PTPRG: variants seen among roughly 807,000 people sequenced by gnomAD.
PTPRG encodes protein tyrosine phosphatase receptor type G, also known as receptor-type tyrosine-protein phosphatase gamma.
A neutral mutation model predicts 165.3 loss-of-function variants in PTPRG; 102 were observed. The ratio of observed to expected loss-of-function variants is 0.62; its 90% CI spans 0.53 to 0.73. The LOEUF (loss-of-function observed/expected upper bound fraction) is 0.73, where lower values mean the gene tolerates loss of function less well. PTPRG is among the 30% of genes least tolerant of loss of function. The probability of loss-of-function intolerance (pLI) is 0.00; values close to 1 mark genes in which losing one functional copy is unlikely to be tolerated. For missense variants in PTPRG, 1,866 were observed against 1,861.4 expected, an observed-to-expected ratio of 1.00 and a Z score of -0.05; for synonymous variants, 675 against 669.5, an observed-to-expected ratio of 1.01 and a Z score of -0.13.
chr3:61,984,889 A>G lies in PTPRG; in HGVS notation c.191-4736A>G, dbSNP rs549185207. ...TGTCAATTATATAGAATGTTTGTCA[A>G]TTATATAGAATGTTCCCCAATTTGG... On this transcript the variant is annotated intron_variant, in intron 2 of 29. Transcript: ENST00000474889. Among the ~76,000 whole-genome samples the G allele has an allele frequency of 5.3e-5, 8 of 152,198 alleles. No individual in the cohort carries two copies. The East Asian group carries it at 5.8e-4, about 11-fold the overall frequency.
chr3:61,781,735 C>A (rs2034549757), intron 2 of PTPRG, among the ~76,000 whole-genome samples: 1 of 151,908 alleles, frequency 6.6e-6, no homozygotes, highest in African/African-American at 2.4e-5. Context: ...TTATTAATTT[C>A]TCTTTTTTTT....
intron 2 of PTPRG, among the ~76,000 whole-genome samples, chr3:61,960,040 T>C (rs1219174441): frequency 3.3e-5 from 5 of 152,322 alleles, no homozygotes; most frequent in Admixed American, 3.3e-4. Flanking sequence ...TCAGCTTACG[T>C]GCCACCTTCT....
chr3:62,265,894 T>TACACACACACACACACACAC (rs1250968284), intron 17 of PTPRG, among the ~76,000 whole-genome samples: 108 of 26,522 alleles, frequency 4.1e-3, no homozygotes, highest in South Asian at 0.023. Context: ...CTGTGCCTTA[T>TACACACACACACACACACAC]ATACACACAC....
chr3:62,284,558 T>A (rs959009134), intron 28 of PTPRG, among the ~76,000 whole-genome samples: 2 of 152,090 alleles, frequency 1.3e-5, no homozygotes, highest in Admixed American at 6.6e-5. Flanking sequence ...AACTTTAAAA[T>A]TTTTGAACAG....
intron 13 of PTPRG, among the ~76,000 whole-genome samples, chr3:62,230,256 T>A (rs1204919474): frequency 2.0e-5 from 3 of 152,196 alleles, no homozygotes; most frequent in Non-Finnish European, 4.4e-5. Flanking sequence ...GAAGAAAACC[T>A]AACACTCCAG....
rs116428672 is a variant in PTPRG, at chr3:62,001,790, A to G, written c.371-1559A>G. Among the ~76,000 whole-genome samples the G allele has an allele frequency of 4.7e-3, 723 of 152,322 alleles. 5 individuals carry two copies. The highest frequency in any genetic ancestry group is 0.016 in the African/African-American group (658 of 41,562). Reference sequence around the variant, plus strand: ...TATCAGTGTGGTTAAATAAAGGTTTATTGGATCATAGCCTCACCCATTCAT... The same window carrying G: ...TATCAGTGTGGTTAAATAAAGGTTTGTTGGATCATAGCCTCACCCATTCAT... On this transcript the variant is annotated intron_variant, in intron 3 of 29. Coordinates refer to ENST00000474889, the MANE Select transcript of PTPRG (RefSeq NM_002841.4).
chr3:61,676,279 A>T (rs1427683246), intron 1 of PTPRG, among the ~76,000 whole-genome samples: 1 of 151,428 alleles, frequency 6.6e-6, no homozygotes, highest in African/African-American at 2.4e-5. Context: ...AACACGGTGA[A>T]ACCCCGTCTC....
chr3:62,087,793 T>C (rs1181773173), intron 5 of PTPRG, among the ~76,000 whole-genome samples: 1 of 152,224 alleles, frequency 6.6e-6, no homozygotes, highest in Non-Finnish European at 1.5e-5. Context: ...CATCTGCATA[T>C]AATTGCCTTC....
intron 1 of PTPRG, among the ~76,000 whole-genome samples, chr3:61,718,723 A>C (rs1325049984): frequency 6.6e-6 from 1 of 152,202 alleles, no homozygotes; most frequent in Non-Finnish European, 1.5e-5. Flanking sequence ...AGAGACTCAT[A>C]AGACAGGCTG....
At position 62,277,637 on chromosome 3, in the gene PTPRG, T is replaced by A; in HGVS notation, c.3723T>A (p.His1241Gln). The change falls in exon 26 of 30, where the codon CAT (histidine) becomes CAA (glutamine). Residue 1241 changes from histidine to glutamine, a missense_variant. By Grantham distance (24) the His-to-Gln change is conservative. This residue lies in a region of PTPRG where 1,452 missense variants were observed against 1,463.0 expected (regional missense o/e 0.99). Transcript: ENST00000474889. ...TKDFWRMIWD[H>Q]NAQIIVMLPD... ...ATTTCTGGCGAATGATTTGGGATCA[T>A]AACGCACAGATCATTGTCATGCTGC... 6.2e-7 allele frequency: 1 copy of A among 1,612,916 alleles called. No individual in the cohort carries two copies. The highest frequency in any genetic ancestry group is 8.5e-7 in the Non-Finnish European group (1 of 1,179,358).
Position 61,991,564 on chromosome 3 carries a change from G to T in PTPRG, c.370+1760G>T, listed in dbSNP as rs193179730. 2.9e-3 allele frequency among the ~76,000 whole-genome samples: 438 copies of T among 152,278 alleles called. 2 individuals carry two copies. The highest frequency in any genetic ancestry group is 6.8e-3 in the Middle Eastern group (2 of 292). On this transcript the variant is annotated intron_variant, in intron 3 of 29. Transcript: ENST00000474889. ...CCCCAGCACAGATTGTGTGCTTATT[G>T]TTACAATTCAGAATTTACCTATCAG...
chr3:61,709,864 C>T (rs2106742801), intron 1 of PTPRG, among the ~76,000 whole-genome samples: 1 of 152,234 alleles, frequency 6.6e-6, no homozygotes, highest in East Asian at 1.9e-4. Flanking sequence ...TTTAGTAGGG[C>T]CCTGAATCAC....
At chr3:61,574,972 C>G (rs1700142895) in intron 1 of PTPRG, among the ~76,000 whole-genome samples, 1 of 152,146 alleles carries the variant, frequency 6.6e-6, no homozygotes, top group Non-Finnish European at 1.5e-5. Context: ...CGTGAGGGAC[C>G]CACCCTCATG....
intron 1 of PTPRG, among the ~76,000 whole-genome samples, chr3:61,674,718 C>T (rs1703163847): frequency 1.3e-5 from 2 of 152,096 alleles, no homozygotes; most frequent in South Asian, 4.1e-4. Context: ...AACATCACCT[C>T]ATGAGGTAGC....
chr3:61,944,252 C>T (rs983789216), intron 2 of PTPRG, among the ~76,000 whole-genome samples: 3 of 152,172 alleles, frequency 2.0e-5, no homozygotes, highest in Non-Finnish European at 4.4e-5. Flanking sequence ...CATTGGTGTG[C>T]AGAACCACCC....
intron 5 of PTPRG, among the ~76,000 whole-genome samples, chr3:62,102,564 C>A (rs1162273683): frequency 2.0e-5 from 3 of 152,186 alleles, no homozygotes; most frequent in Admixed American, 6.5e-5. Flanking sequence ...AGCCACCACG[C>A]CCGGCCTGGA....
At chr3:61,830,563 T>G (rs1392290187) in intron 2 of PTPRG, among the ~76,000 whole-genome samples, 3 of 125,884 alleles carry the variant, frequency 2.4e-5, no homozygotes, top group African/African-American at 9.8e-5. Flanking sequence ...TCTTTTTGTT[T>G]TTGTTTTTTT....
At chr3:62,191,354 CAT>C (rs1053147685) in intron 8 of PTPRG, 113 bp from the exon 9 acceptor site, 4 of 838,930 alleles carry the variant, frequency 4.8e-6, no homozygotes, top group Non-Finnish European at 5.5e-6. Context: ...GAGAAGGGAG[CAT>C]GGGTGCTTCC....
At chr3:62,223,489 A>G (rs1392697961) in intron 13 of PTPRG, among the ~76,000 whole-genome samples, 3 of 151,922 alleles carry the variant, frequency 2.0e-5, no homozygotes, top group Non-Finnish European at 4.4e-5. Context: ...GCACTGGGCA[A>G]TTGGGGGGGC....
Sources: allele counts gnomAD v4.1 joint callset (sites outside exome capture counted in the v4.1 genomes callset), GRCh38; gene constraint gnomAD v4.1.1; regional missense constraint gnomAD v4.1.1; transcripts MANE v1.5; gene names NCBI Gene and HGNC (gene_info 2026-07-23, HGNC 2026-07-21).